ZFHX3: variants seen among roughly 807,000 people sequenced by gnomAD.
ZFHX3 encodes the protein zinc finger homeobox 3, also known as zinc finger homeobox protein 3.
A neutral mutation model predicts 279.1 loss-of-function variants in ZFHX3; 42 were observed. That is an observed-to-expected ratio of 0.15 (90% confidence interval 0.12 to 0.19). The LOEUF (loss-of-function observed/expected upper bound fraction) is 0.19. Among genes scored for constraint, ZFHX3 ranks in the 10% least tolerant of loss-of-function variants. The pLI, the probability that ZFHX3 is intolerant of heterozygous loss-of-function variation, is 1.00. For synonymous variants in ZFHX3, 2,293 were observed against 1,957.8 expected (o/e 1.17, Z -4.52); for missense variants, 4,981 against 4,754.0 (o/e 1.05, Z -1.40).
At chr16:73,352,733 G>A (rs933124568) in intron 3 of ZFHX3, among the ~76,000 whole-genome samples, 4 of 152,048 alleles carry the variant, frequency 2.6e-5, no homozygotes, top group Admixed American at 6.6e-5. Flanking sequence ...CTGCACCTGG[G>A]ACACATAGAA....
At chr16:73,422,589 G>A (rs1399782454) in intron 3 of ZFHX3, among the ~76,000 whole-genome samples, 2 of 152,148 alleles carry the variant, frequency 1.3e-5, no homozygotes, top group African/African-American at 4.8e-5. Flanking sequence ...GAGGTCAGTG[G>A]CCTCATGACT....
At chr16:73,281,611 G>A (rs946440889) in intron 4 of ZFHX3, among the ~76,000 whole-genome samples, 5 of 152,108 alleles carry the variant, frequency 3.3e-5, no homozygotes, top group East Asian at 1.9e-4. Flanking sequence ...TACATCTTAC[G>A]TTAAGTGATC....
At chr16:73,551,910 G>A (rs559017952) in intron 2 of ZFHX3, among the ~76,000 whole-genome samples, 1 of 152,252 alleles carries the variant, frequency 6.6e-6, no homozygotes, top group Admixed American at 6.5e-5. Context: ...TGTGTATAAT[G>A]CATACATATA....
rs372844953 is a variant in ZFHX3 at position 73,636,584 on chromosome 16, T to TA, written c.-1547+43595dup. On this transcript the variant is annotated intron_variant, in intron 2 of 17. Transcript: ENST00000641206. ...GGGAAATTGTAAAATGCAGTTAATT[T>TA]AAAAAACACAACAGCTTTTCTATAT... Among the ~76,000 whole-genome samples the TA allele has an allele frequency of 8.8e-3, 1,346 of 152,172 alleles. 20 individuals are homozygous for TA. The highest frequency in any genetic ancestry group is 0.031 in the African/African-American group (1,273 of 41,514).
At chr16:73,811,042 T>C (rs190642096) in intron 1 of ZFHX3, among the ~76,000 whole-genome samples, 1 of 152,252 alleles carries the variant, frequency 6.6e-6, no homozygotes, top group East Asian at 1.9e-4. Context: ...TGTGGCACAC[T>C]AAGGAACTTT....
intron 1 of ZFHX3, among the ~76,000 whole-genome samples, chr16:73,790,357 T>C (rs547436487): frequency 6.6e-6 from 1 of 152,218 alleles, no homozygotes; most frequent in African/African-American, 2.4e-5. Context: ...ACAACATATA[T>C]TCTTGCATCT....
chr16:73,104,165 C>T (rs776381896), intron 7 of ZFHX3, among the ~76,000 whole-genome samples: 10 of 152,168 alleles, frequency 6.6e-5, no homozygotes, highest in Non-Finnish European at 2.9e-5. Context: ...CATCCAGTAA[C>T]TGAATACTTA....
At chr16:72,826,799 GC>G (rs1162965472) in intron 5 of ZFHX3, among the ~76,000 whole-genome samples, 1 of 152,094 alleles carries the variant, frequency 6.6e-6, no homozygotes, top group Non-Finnish European at 1.5e-5. Flanking sequence ...GATTAAGTAG[GC>G]CTGGTGCTTG....
At chr16:72,946,110 C>T (rs1480575307) in intron 3 of ZFHX3, among the ~76,000 whole-genome samples, 1 of 152,214 alleles carries the variant, frequency 6.6e-6, no homozygotes, top group East Asian at 1.9e-4. Flanking sequence ...AATGCAAAGT[C>T]TGATGGAAGT....
chr16:73,717,201 A>T (rs1271225009), intron 1 of ZFHX3, among the ~76,000 whole-genome samples: 1 of 152,114 alleles, frequency 6.6e-6, no homozygotes, highest in Non-Finnish European at 1.5e-5. Context: ...GCACCTGCAG[A>T]TATTGTCTTT....
In ZFHX3 at chr16:72,788,183, G is replaced by C. The variant is rs759064774; in HGVS notation, c.10093C>G (p.Gln3365Glu). 3 of 1,612,044 alleles carry C rather than the reference G, an allele frequency of 1.9e-6. No individual in the cohort carries two copies. In the Admixed American group the frequency reaches 5.0e-5, roughly 27 times the overall value. Residue 3365 changes from glutamine (Q) to glutamate (E), a missense_variant, in exon 10 of 10, where the codon CAG becomes GAG. Coordinates refer to ENST00000268489, the MANE Select transcript of ZFHX3 (RefSeq NM_006885.4). ...TCCTGCAGACTCTGCTGGTATTGCT[G>C]GTACTGCTGCAGTAGGGAGCCTGGG... is the stretch of plus-strand genomic sequence containing the variant. The part of the protein sequence containing the change: ...LSPGSLLQQY[Q>E]QYQQSLQEAI...
chr16:73,656,502 G>A (rs1287271278), intron 2 of ZFHX3, among the ~76,000 whole-genome samples: 1 of 152,202 alleles, frequency 6.6e-6, no homozygotes, highest in Non-Finnish European at 1.5e-5. Flanking sequence ...AAGGGGTTGG[G>A]ATGGGAGAAG....
intron 1 of ZFHX3, among the ~76,000 whole-genome samples, chr16:73,717,021 T>G (rs1447130919): frequency 6.6e-6 from 1 of 152,030 alleles, no homozygotes; most frequent in East Asian, 1.9e-4. Flanking sequence ...TGGAAATGAG[T>G]GCAAGCGCCA....
At chr16:73,366,719 T>C (rs564001130) in intron 3 of ZFHX3, among the ~76,000 whole-genome samples, 2 of 151,532 alleles carry the variant, frequency 1.3e-5, no homozygotes, top group South Asian at 2.1e-4. Context: ...TGCACATGCA[T>C]GTGTGTGTGT....
At chr16:72,986,933 C>T (rs1962872724) in intron 1 of ZFHX3, among the ~76,000 whole-genome samples, 1 of 152,110 alleles carries the variant, frequency 6.6e-6, no homozygotes. Context: ...ACCGCTTGAG[C>T]CCAGGAGTTT....
rs1961414984 is a variant in ZFHX3 at position 72,958,966 on chromosome 16, G to C, written c.1180C>G (p.Leu394Val). Reference sequence around the variant, plus strand: ...TTCAACAGGGTGCTGGGGGTCAAGAGACCAGCCTGGGGCTGCTCGGGGCCA... The same window carrying C: ...TTCAACAGGGTGCTGGGGGTCAAGACACCAGCCTGGGGCTGCTCGGGGCCA... ...AAGPEQPQAGLLTPSTLLNLG... is the reference protein window; with the variant it reads ...AAGPEQPQAGVLTPSTLLNLG... Residue 394 changes from leucine (L) to valine (V), a missense_variant, in exon 2 of 10, where the codon CTC (leucine) becomes GTC (valine). Leu to Val is a conservative substitution (Grantham distance 32). Around this residue, in one of 7 missense-constraint regions of ZFHX3, gnomAD observed 1,068 missense variants for 935.2 expected, o/e 1.14. Coordinates refer to ENST00000268489, the MANE Select transcript of ZFHX3 (RefSeq NM_006885.4). 6.3e-7 allele frequency: 1 copy of C among 1,599,254 alleles called. No individual in the cohort carries two copies. The highest frequency in any genetic ancestry group is 1.1e-5 in the South Asian group (1 of 88,566).
At chr16:73,109,997 T>C (rs560360241) in intron 7 of ZFHX3, among the ~76,000 whole-genome samples, 50 of 152,236 alleles carry the variant, frequency 3.3e-4, no homozygotes, top group African/African-American at 1.2e-3. Context: ...TCCCAGCACT[T>C]TGGGAGGCTG....
rs572607950 is a variant in ZFHX3, at chr16:72,977,448, G to A, written c.-49-17254C>T. ...GCTGCATTATGGGGAATGCTGCAGAGAGGGGAGTCTTATTCTTAAAGGAGT... is the reference window on the plus strand; with the variant it reads ...GCTGCATTATGGGGAATGCTGCAGAAAGGGGAGTCTTATTCTTAAAGGAGT... On this transcript the variant is annotated intron_variant, in intron 1 of 9. Transcript: ENST00000268489. 7.2e-5 allele frequency among the ~76,000 whole-genome samples: 11 copies of A among 152,282 alleles called. No homozygotes were observed. In the South Asian group the frequency reaches 2.3e-3, roughly 32 times the overall value.
chr16:73,132,868 C>T (rs1966716342), intron 6 of ZFHX3, among the ~76,000 whole-genome samples: 1 of 152,158 alleles, frequency 6.6e-6, no homozygotes, highest in African/African-American at 2.4e-5. Context: ...CGATGTTGGC[C>T]ATCTCTCCCT....
Sources: allele counts gnomAD v4.1 joint callset (sites outside exome capture counted in the v4.1 genomes callset), GRCh38; gene constraint gnomAD v4.1.1; regional missense constraint gnomAD v4.1.1; transcripts MANE v1.5; gene names NCBI Gene and HGNC (gene_info 2026-07-23, HGNC 2026-07-21).